Variants in RTN3 observed in about 807,000 individuals in gnomAD.
RTN3 encodes the protein reticulon-3.
A neutral mutation model predicts 77.8 loss-of-function variants in RTN3; 49 were observed. That is an observed-to-expected ratio of 0.63 (90% CI 0.50 to 0.80). RTN3 has a LOEUF of 0.80. Among genes scored for constraint, RTN3 ranks in the 30% least tolerant of loss-of-function variants. RTN3 has a pLI of 0.00. For synonymous variants in RTN3, 464 were observed against 446.9 expected (o/e 1.04, Z -0.48); for missense variants, 1,236 against 1,211.9 (o/e 1.02, Z -0.29).
chr11:63,742,231 G>A (rs189237111), intron 3 of RTN3, among the ~76,000 whole-genome samples: 1,680 of 145,960 alleles, frequency 0.012, 33 homozygotes, highest in African/African-American at 0.038. Flanking sequence ...CACCTGCCTC[G>A]GCCTCCCAAA....
chr11:63,681,507 C>CGGA lies in RTN3; in HGVS notation c.-128_-126dup. 1.0e-6 allele frequency: 1 copy of CGGA among 959,432 alleles called. No homozygotes were observed. The highest frequency in any genetic ancestry group is 2.0e-5 in the South Asian group (1 of 49,042). The allele number at this position is 959,432 out of a possible 1,614,324, so 59.4% of individuals were successfully genotyped here. A position where few individuals can be genotyped will look rare whatever the true frequency, so the allele number is the denominator to read the frequency against. ...CGCTCGGCTGAGTCAGTCAGTCTGTCGGAGTCTGTCCTCGGAGCAGGCGGA... is the reference window on the plus strand; with the variant it reads ...CGCTCGGCTGAGTCAGTCAGTCTGTCGGAGGAGTCTGTCCTCGGAGCAGGCGGA... On this transcript the variant is annotated 5_prime_UTR_variant, in exon 1 of 9. Transcript: ENST00000377819.
chr11:63,723,330 T>C (rs762014790), intron 3 of RTN3, among the ~76,000 whole-genome samples: 2 of 152,056 alleles, frequency 1.3e-5, no homozygotes, highest in Non-Finnish European at 2.9e-5. Context: ...TTTAAAAATA[T>C]AATCCATTTC....
Position 63,720,185 on chromosome 11 carries a change from C to T in RTN3, c.1683C>T (p.Asp561=). ...TSKNFEELVS[D]SELHQDQPDI... The stretch of plus-strand genomic sequence containing the variant: ...AAAACTTTGAAGAATTGGTCAGTGA[C>T]TCTGAGCTGCATCAAGATCAGCCTG... The change falls in exon 3 of 9, where the codon GAC becomes GAT. Residue 561 remains aspartate, a synonymous_variant. Transcript: ENST00000377819. 1 of 1,614,124 alleles carries T rather than the reference C, an allele frequency of 6.2e-7. No homozygotes were observed. The highest frequency in any genetic ancestry group is 8.5e-7 in the Non-Finnish European group (1 of 1,180,028).
At chr11:63,696,978 G>A (rs1387530893) in intron 1 of RTN3, among the ~76,000 whole-genome samples, 25 of 137,866 alleles carry the variant, frequency 1.8e-4, no homozygotes, top group African/African-American at 5.7e-4. Flanking sequence ...TCCGCCTCCC[G>A]GGTTCACGCC....
At chr11:63,743,469 TC>T (rs1447471262) in intron 3 of RTN3, among the ~76,000 whole-genome samples, 4 of 152,226 alleles carry the variant, frequency 2.6e-5, no homozygotes, top group Non-Finnish European at 5.9e-5. Flanking sequence ...ATGGAATTCT[TC>T]CTTGGTGGAA....
intron 3 of RTN3, among the ~76,000 whole-genome samples, chr11:63,731,798 G>A (rs531704270): frequency 2.5e-4 from 38 of 151,980 alleles, no homozygotes; most frequent in Non-Finnish European, 4.7e-4. Context: ...GATTACAGGC[G>A]TGCGCCACTA....
chr11:63,697,741 GC>G (rs1213501896), intron 1 of RTN3, among the ~76,000 whole-genome samples: 1 of 152,138 alleles, frequency 6.6e-6, no homozygotes, highest in Non-Finnish European at 1.5e-5. Flanking sequence ...CTCCCAAAGT[GC>G]TGGCATTACA....
At chr11:63,684,638 C>T (rs114051821) in intron 1 of RTN3, among the ~76,000 whole-genome samples, 165 of 152,184 alleles carry the variant, frequency 1.1e-3, no homozygotes, top group African/African-American at 3.9e-3. Context: ...ATTTGTATTT[C>T]TTAGATGTGC....
chr11:63,695,356 G>A (rs145202766), intron 1 of RTN3, among the ~76,000 whole-genome samples: 8 of 152,052 alleles, frequency 5.3e-5, no homozygotes, highest in Non-Finnish European at 1.2e-4. Context: ...TAGTAGTTAT[G>A]TTAGCTATAA....
chr11:63,707,233 A>G (rs1199548670), intron 2 of RTN3, among the ~76,000 whole-genome samples: 3 of 152,108 alleles, frequency 2.0e-5, no homozygotes, highest in African/African-American at 4.8e-5. Flanking sequence ...GGGATAGTTG[A>G]TACTCTAAAC....
At position 63,681,720 on chromosome 11, in the gene RTN3, C is replaced by T; in HGVS notation, c.84C>T (p.Gly28=). The T allele has an allele frequency of 1.2e-6, 2 of 1,609,712 alleles. No homozygotes were observed. Among genetic ancestry groups the T allele is most frequent in the Admixed American group, 1.7e-5 (1 of 59,784 alleles). The change falls in exon 1 of 9, where the codon GGC becomes GGT. Residue 28 remains glycine, a synonymous_variant. Transcript: ENST00000377819. ...CCGAGCCGTCCGCGCCCGGCGGCGG[C>T]GGGAGCCCAGGAGCCTGCCCCGCCC... The part of the protein sequence containing the change: ...FGAEPSAPGG[G]GSPGACPALG...
At chr11:63,682,189 G>C (rs1456231440) in intron 1 of RTN3, among the ~76,000 whole-genome samples, 1 of 152,208 alleles carries the variant, frequency 6.6e-6, no homozygotes, top group Non-Finnish European at 1.5e-5. Flanking sequence ...TTTTTGAGGG[G>C]ATGGTGGTGA....
At chr11:63,730,688 C>T (rs1401185286) in intron 3 of RTN3, among the ~76,000 whole-genome samples, 1 of 152,104 alleles carries the variant, frequency 6.6e-6, no homozygotes, top group Non-Finnish European at 1.5e-5. Context: ...GGTTTGGTGG[C>T]ATGCATCTGT....
rs373589429 is a variant in RTN3 at position 63,754,925 on chromosome 11, CA to C, written c.2995-1168del. 5.0e-3 allele frequency among the ~76,000 whole-genome samples: 481 copies of C among 96,916 alleles called. 1 individual carries two copies. Among genetic ancestry groups the C allele is most frequent in the Non-Finnish European group, 6.4e-3 (330 of 51,958 alleles). 63.6% of individuals were successfully genotyped at this position (96,916 alleles called of 152,430 possible). On this transcript the variant is annotated intron_variant, in intron 7 of 8. Transcript: ENST00000377819. ...CCTGGGCGACAGGGAGACTCTGTCT[CA>C]AAAAAAAAAAAAAAAAAATGCTTAG...
chr11:63,711,820 T>C (rs917053667), intron 2 of RTN3, among the ~76,000 whole-genome samples: 4 of 152,160 alleles, frequency 2.6e-5, no homozygotes, highest in African/African-American at 9.7e-5. Context: ...TGCCTCAGCA[T>C]CCCAAAGTGC....
At position 63,718,827 on chromosome 11, in the gene RTN3, G is replaced by A. The variant is rs2011548849; in HGVS notation, c.325G>A (p.Gly109Arg). ...ILHGEKSHVL[G>R]SQPILAKEGK... Reference sequence around the variant, plus strand: ...ACATGGAGAAAAAAGCCATGTGTTAGGGAGCCAGCCTATTTTAGCCAAAGA... The same window carrying A: ...ACATGGAGAAAAAAGCCATGTGTTAAGGAGCCAGCCTATTTTAGCCAAAGA... The change falls in exon 3 of 9, where the codon GGG becomes AGG. Residue 109 changes from glycine to arginine, a missense_variant. Physicochemically the swap from Gly to Arg is moderately radical, Grantham distance 125 (BLOSUM62 -2). Around this residue, in one of 3 missense-constraint regions of RTN3, gnomAD observed 1,056 missense variants for 990.4 expected, o/e 1.07. Transcript: ENST00000377819. 1.2e-6 allele frequency: 2 copies of A among 1,613,962 alleles called. No individual in the cohort carries two copies. The highest frequency in any genetic ancestry group is 1.7e-6 in the Non-Finnish European group (2 of 1,180,030).
At chr11:63,711,770 G>A (rs998104610) in intron 2 of RTN3, among the ~76,000 whole-genome samples, 1 of 152,136 alleles carries the variant, frequency 6.6e-6, no homozygotes, top group Admixed American at 6.5e-5. Context: ...CTCCATGTTG[G>A]TCAGGCTGGT....
chr11:63,751,443 A>G (rs1448085861), intron 4 of RTN3, among the ~76,000 whole-genome samples: 1 of 152,188 alleles, frequency 6.6e-6, no homozygotes, highest in Non-Finnish European at 1.5e-5. Flanking sequence ...TACAATTTCT[A>G]GCTTTTTTGA....
chr11:63,724,452 G>T (rs1297968125), intron 3 of RTN3, among the ~76,000 whole-genome samples: 1 of 147,444 alleles, frequency 6.8e-6, no homozygotes, highest in Non-Finnish European at 1.5e-5. Flanking sequence ...CAAAGTGCTG[G>T]GATTACAGGC....
Sources: gnomAD v4.1 joint callset for allele counts (sites outside exome capture counted in the v4.1 genomes callset) on GRCh38, gnomAD v4.1.1 for gene constraint, gnomAD v4.1.1 regional missense constraint, MANE v1.5 for transcripts, NCBI Gene and HGNC (gene_info 2026-07-23, HGNC 2026-07-21) for gene names.